PKD2L1: variants seen among roughly 807,000 people sequenced by gnomAD.
PKD2L1 encodes polycystin 2 like 1, transient receptor potential cation channel, also known as polycystin-2-like protein 1.
PKD2L1 carries 77 observed loss-of-function variants against 93.0 expected under a neutral mutation model. That is an observed-to-expected ratio of 0.83 (90% CI 0.69 to 1.00). The LOEUF is 1.00. Among genes scored for constraint, PKD2L1 ranks in the 50% least tolerant of loss-of-function variants. PKD2L1 has a pLI of 0.00. For missense variants in PKD2L1, 977 were observed against 990.9 expected, an observed-to-expected ratio of 0.99 and a Z score of 0.19; for synonymous variants, 390 against 388.0, an observed-to-expected ratio of 1.01 and a Z score of -0.06.
intron 2 of PKD2L1, among the ~76,000 whole-genome samples, chr10:100,315,883 C>T (rs1225639293): frequency 2.6e-5 from 4 of 152,198 alleles, no homozygotes; most frequent in African/African-American, 9.6e-5. Flanking sequence ...AAGCAAATGG[C>T]AATGACTTTA....
intron 2 of PKD2L1, among the ~76,000 whole-genome samples, chr10:100,310,751 C>G (rs1848915542): frequency 6.6e-6 from 1 of 152,068 alleles, no homozygotes; most frequent in Admixed American, 6.5e-5. Context: ...ACTCTGTCGC[C>G]CAGGCTGGAG....
chr10:100,316,066 A>G (rs1849094629), intron 2 of PKD2L1, among the ~76,000 whole-genome samples: 1 of 152,082 alleles, frequency 6.6e-6, no homozygotes, highest in Non-Finnish European at 1.5e-5. Flanking sequence ...ACTTCTTACC[A>G]TGGTCCCAGT....
At chr10:100,302,026 C>T (rs548173582) in intron 2 of PKD2L1, among the ~76,000 whole-genome samples, 7 of 152,150 alleles carry the variant, frequency 4.6e-5, no homozygotes, top group South Asian at 2.1e-4. Flanking sequence ...GTAGAGATGG[C>T]GTTTCTCCAT....
At chr10:100,289,540 A>AAAT (rs1258927025) in intron 14 of PKD2L1, among the ~76,000 whole-genome samples, 2 of 151,488 alleles carry the variant, frequency 1.3e-5, no homozygotes, top group Non-Finnish European at 3.0e-5. Context: ...ATTCCATCTC[A>AAAT]AATAATAATA....
At chr10:100,312,884 C>T (rs1848965328) in intron 2 of PKD2L1, among the ~76,000 whole-genome samples, 1 of 151,648 alleles carries the variant, frequency 6.6e-6, no homozygotes, top group South Asian at 2.1e-4. Flanking sequence ...CCCTAGATAG[C>T]ATTGCTTCTG....
intron 2 of PKD2L1, among the ~76,000 whole-genome samples, chr10:100,323,190 T>A (rs943227277): frequency 2.0e-5 from 3 of 152,236 alleles, no homozygotes; most frequent in Non-Finnish European, 4.4e-5. Flanking sequence ...TATCCCTATA[T>A]GTGGAGCCAA....
At chr10:100,305,114 CTTT>C (rs11329633) in intron 2 of PKD2L1, among the ~76,000 whole-genome samples, 17 of 139,070 alleles carry the variant, frequency 1.2e-4, no homozygotes, top group Admixed American at 2.2e-4. Flanking sequence ...CTCTTCTTGT[CTTT>C]TTTTTTTTTT....
chr10:100,294,784 T>A, intron 8 of PKD2L1, 129 bp from the exon 9 acceptor site: 2 of 1,387,320 alleles, frequency 1.4e-6, no homozygotes, highest in Non-Finnish European at 2.0e-6. Context: ...GTGCTTAGAT[T>A]ATTTAAGCAC....
At chr10:100,300,884 G>A (rs1848659557) in intron 2 of PKD2L1, among the ~76,000 whole-genome samples, 1 of 152,028 alleles carries the variant, frequency 6.6e-6, no homozygotes, top group Non-Finnish European at 1.5e-5. Flanking sequence ...TGCCCAGGAT[G>A]GAGTGCAATG....
chr10:100,289,943 C>A, intron 14 of PKD2L1, 72 bp downstream of exon 14: 1 of 1,561,896 alleles, frequency 6.4e-7, no homozygotes. Flanking sequence ...GTTCTTGCCC[C>A]ACCCACTGAG....
chr10:100,297,166 G>T lies in PKD2L1; in HGVS notation c.999C>A (p.Ser333=). ...EFPATGGAIP[S]WQIRTVKLIR... Reference sequence around the variant, plus strand: ...TCAGCTTGACTGTGCGGATTTGCCAGGATGGGATGGCACCTCCTGTAGCTG... The same window carrying T: ...TCAGCTTGACTGTGCGGATTTGCCATGATGGGATGGCACCTCCTGTAGCTG... The change falls in exon 6 of 16, where the codon TCC becomes TCA. Residue 333 remains serine (S), a synonymous_variant. Coordinates refer to ENST00000318222, the MANE Select transcript of PKD2L1 (RefSeq NM_016112.3). The T allele has an allele frequency of 6.2e-7, 1 of 1,614,154 alleles. No individual in the cohort carries two copies. Among genetic ancestry groups the T allele is most frequent in the Non-Finnish European group, 8.5e-7 (1 of 1,180,034 alleles).
chr10:100,329,116 G>C (rs188800733), intron 2 of PKD2L1, 95 bp downstream of exon 2: 3 of 1,169,576 alleles, frequency 2.6e-6, no homozygotes, highest in Non-Finnish European at 3.7e-6. Context: ...ATAGATGCTC[G>C]CTCCACAGAT....
rs1205851420 is a variant in PKD2L1, at chr10:100,288,328, T to C, written c.*68A>G. 1 of 974,246 alleles carries C rather than the reference T, an allele frequency of 1.0e-6. No homozygotes were observed. Among genetic ancestry groups the C allele is most frequent in the Non-Finnish European group, 1.7e-6 (1 of 599,690 alleles). 60.4% of individuals were successfully genotyped at this position (974,246 alleles called of 1,614,324 possible). On this transcript the variant is annotated 3_prime_UTR_variant, in exon 16 of 16. Transcript: ENST00000318222. ...GTTAAAGCCCACTCAGTTTCCAGGT[T>C]CAGTGGACCAGGAGGCAGCCTCTTG...
chr10:100,321,415 G>T (rs992898128), intron 2 of PKD2L1, among the ~76,000 whole-genome samples: 2 of 151,298 alleles, frequency 1.3e-5, no homozygotes, highest in Non-Finnish European at 2.9e-5. Context: ...AGCCGAGATC[G>T]CGCCACTGCA....
chr10:100,300,395 T>TAAA (rs11415788), intron 2 of PKD2L1, among the ~76,000 whole-genome samples: 1 of 150,004 alleles, frequency 6.7e-6, no homozygotes, highest in Non-Finnish European at 1.5e-5. Context: ...CAAGTTAAAT[T>TAAA]AAAAAAAAAA....
chr10:100,328,271 C>T (rs1849422216), intron 2 of PKD2L1, among the ~76,000 whole-genome samples: 1 of 152,262 alleles, frequency 6.6e-6, no homozygotes, highest in South Asian at 2.1e-4. Context: ...TTCCCACAGT[C>T]GCCCTCCTAT....
At chr10:100,325,772 G>A (rs1282923618) in intron 2 of PKD2L1, among the ~76,000 whole-genome samples, 2 of 152,224 alleles carry the variant, frequency 1.3e-5, no homozygotes, top group Non-Finnish European at 2.9e-5. Flanking sequence ...AGTGCCTGCT[G>A]TGACTTGAAG....
At chr10:100,306,882 GAGAA>G (rs1190418255) in intron 2 of PKD2L1, among the ~76,000 whole-genome samples, 2 of 94,522 alleles carry the variant, frequency 2.1e-5, no homozygotes, top group South Asian at 3.1e-4. Flanking sequence ...AAGAAAGAGA[GAGAA>G]AGAAAGAAAG....
chr10:100,326,568 T>C lies in PKD2L1; in HGVS notation c.349+2643A>G, dbSNP rs149907140. 1.1e-3 allele frequency among the ~76,000 whole-genome samples: 163 copies of C among 152,354 alleles called. 1 individual carries two copies. Among genetic ancestry groups the C allele is most frequent in the Non-Finnish European group, 1.8e-3 (124 of 68,026 alleles). ...ATGGCATCACAGTACTCTGTGCTGG[T>C]CAGATTGTCCGTGGCATATTTTGTC... On this transcript the variant is annotated intron_variant, in intron 2 of 15. Coordinates refer to ENST00000318222, the MANE Select transcript of PKD2L1 (RefSeq NM_016112.3).
Sources: gnomAD v4.1 joint callset for allele counts (sites outside exome capture counted in the v4.1 genomes callset) on GRCh38, gnomAD v4.1.1 for gene constraint, MANE v1.5 for transcripts, NCBI Gene and HGNC (gene_info 2026-07-23, HGNC 2026-07-21) for gene names.